MBD5: variants seen among roughly 807,000 people sequenced by gnomAD.
The protein encoded by MBD5 is methyl-CpG binding domain protein 5.
Under a neutral mutation model 117.3 loss-of-function variants are expected in MBD5, and 13 were observed. That is an observed-to-expected ratio of 0.11 (90% confidence interval 0.07 to 0.18). The LOEUF (loss-of-function observed/expected upper bound fraction) is 0.18, where lower values mean the gene tolerates loss of function less well. Ranked by LOEUF, MBD5 falls within the 10% of genes least tolerant of loss-of-function variation. MBD5 has a pLI of 1.00. For synonymous variants in MBD5, 727 were observed against 766.4 expected (o/e 0.95, Z 0.85); for missense variants, 1,879 against 2,093.8 (o/e 0.90, Z 2.00).
intron 8 of MBD5, among the ~76,000 whole-genome samples, chr2:148,473,687 T>A (rs1345899742): frequency 6.6e-6 from 1 of 152,124 alleles, no homozygotes; most frequent in Non-Finnish European, 1.5e-5. Flanking sequence ...GTGAATTCTA[T>A]GGGAGGCATT....
intron 3 of MBD5, among the ~76,000 whole-genome samples, chr2:148,293,743 A>G (rs1701559141): frequency 6.6e-6 from 1 of 152,224 alleles, no homozygotes; most frequent in Non-Finnish European, 1.5e-5. Flanking sequence ...TAAGTATGAT[A>G]TGAACTGTGG....
chr2:148,226,397 A>G (rs1409234114), intron 2 of MBD5, among the ~76,000 whole-genome samples: 1 of 152,086 alleles, frequency 6.6e-6, no homozygotes, highest in African/African-American at 2.4e-5. Flanking sequence ...TTTGCTGAGA[A>G]TGATGGTTTC....
rs1238374891 is a variant in MBD5 at position 148,421,031 on chromosome 2, A to G, written c.-556-37172A>G. Among the ~76,000 whole-genome samples, 5 of 152,290 alleles carry G rather than the reference A, an allele frequency of 3.3e-5. No homozygotes were observed. In the East Asian group the frequency reaches 7.7e-4, roughly 23 times the overall value. On this transcript the variant is annotated intron_variant, in intron 4 of 13. Coordinates refer to ENST00000642680, the MANE Select transcript of MBD5 (RefSeq NM_001378120.1). Reference sequence around the variant, plus strand: ...GGCATGAGCCACTACACCCATGAAAAGTGGTGCTCTGCTAGATTAAGTCAC... The same window carrying G: ...GGCATGAGCCACTACACCCATGAAAGGTGGTGCTCTGCTAGATTAAGTCAC...
intron 8 of MBD5, among the ~76,000 whole-genome samples, chr2:148,480,052 A>T (rs186065508): frequency 6.6e-5 from 10 of 152,052 alleles, no homozygotes; most frequent in East Asian, 3.9e-4. Context: ...GGGTTTTTTT[A>T]AAATTTTTAT....
chr2:148,157,575 C>T (rs1403554819), intron 1 of MBD5, among the ~76,000 whole-genome samples: 3 of 152,168 alleles, frequency 2.0e-5, no homozygotes, highest in African/African-American at 7.2e-5. Context: ...AAAACTACTA[C>T]AAATGCCTCA....
chr2:148,103,189 C>G (rs1696276830), intron 1 of MBD5, among the ~76,000 whole-genome samples: 2 of 152,104 alleles, frequency 1.3e-5, no homozygotes, highest in South Asian at 4.1e-4. Context: ...TGTTCCCAAG[C>G]CAAAGCCGGC....
At chr2:148,257,846 C>G (rs1032495164) in intron 3 of MBD5, among the ~76,000 whole-genome samples, 1 of 152,152 alleles carries the variant, frequency 6.6e-6, no homozygotes, top group African/African-American at 2.4e-5. Context: ...TTGTCTAAGT[C>G]CACTACGTAG....
intron 3 of MBD5, among the ~76,000 whole-genome samples, chr2:148,251,055 C>A (rs779124347): frequency 2.6e-5 from 4 of 151,754 alleles, no homozygotes; most frequent in Non-Finnish European, 4.4e-5. Context: ...ATTCAGAGTG[C>A]CTAGTATAGT....
chr2:148,208,106 G>A (rs938568222), intron 2 of MBD5, among the ~76,000 whole-genome samples: 1 of 152,142 alleles, frequency 6.6e-6, no homozygotes, highest in Admixed American at 6.5e-5. Flanking sequence ...GCTTCTGCTG[G>A]ATGCTGCTGG....
chr2:148,464,802 T>A (rs3076583), intron 7 of MBD5, among the ~76,000 whole-genome samples: 140,365 of 146,192 alleles, frequency 0.96, 67,617 homozygotes, highest in South Asian at 1. Context: ...TAAAATAATT[T>A]AAAAAAAAAA....
At position 148,201,760 on chromosome 2, in the gene MBD5, G is replaced by T. The variant is rs1438595042; in HGVS notation, c.-831+22967G>T. Among the ~76,000 whole-genome samples the T allele has an allele frequency of 2.6e-5, 4 of 152,170 alleles. No individual in the cohort carries two copies. In the East Asian group the frequency reaches 7.7e-4, roughly 29 times the overall value. ...CAAGAGTGGTCCCCCACCTGAAGTT[G>T]GGTGGTTTCTCTCTCAGTGTGGCTG... On this transcript the variant is annotated intron_variant, in intron 2 of 13. Coordinates refer to ENST00000642680, the MANE Select transcript of MBD5 (RefSeq NM_001378120.1).
At chr2:148,422,265 C>G (rs1574406985) in intron 4 of MBD5, among the ~76,000 whole-genome samples, 1 of 152,176 alleles carries the variant, frequency 6.6e-6, no homozygotes, top group Non-Finnish European at 1.5e-5. Context: ...TGTTCTGAAG[C>G]CTCTGCTGGT....
rs1448359030 is a variant in MBD5 at position 148,288,141 on chromosome 2, C to A, written c.-679-54073C>A. ...TCTGGCCGGGCGCGGTGGCTCACGCCTGTAATCCCAGCACTTTGGGAGGCC... is the reference window on the plus strand; with the variant it reads ...TCTGGCCGGGCGCGGTGGCTCACGCATGTAATCCCAGCACTTTGGGAGGCC... On this transcript the variant is annotated intron_variant, in intron 3 of 13. Transcript: ENST00000642680. 3.3e-5 allele frequency among the ~76,000 whole-genome samples: 5 copies of A among 151,346 alleles called. 1 individual carries two copies. Among genetic ancestry groups the A allele is most frequent in the African/African-American group, 1.2e-4 (5 of 41,208 alleles).
At chr2:148,049,176 A>G (rs1489293540) in intron 1 of MBD5, among the ~76,000 whole-genome samples, 1 of 152,188 alleles carries the variant, frequency 6.6e-6, no homozygotes, top group Non-Finnish European at 1.5e-5. Context: ...CAACCTGTGT[A>G]TTCACTGGTT....
At chr2:148,426,790 A>G (rs956267083) in intron 4 of MBD5, among the ~76,000 whole-genome samples, 1 of 152,244 alleles carries the variant, frequency 6.6e-6, no homozygotes, top group African/African-American at 2.4e-5. Flanking sequence ...CAAAAGCCAG[A>G]ATTGACAAAT....
intron 7 of MBD5, among the ~76,000 whole-genome samples, chr2:148,466,424 G>T (rs979376842): frequency 4.2e-4 from 64 of 152,134 alleles, no homozygotes; most frequent in African/African-American, 1.5e-3. Context: ...TCTAAATTCT[G>T]TTAGTTGAAT....
At chr2:148,127,181 A>T (rs1473669964) in intron 1 of MBD5, among the ~76,000 whole-genome samples, 1 of 151,814 alleles carries the variant, frequency 6.6e-6, no homozygotes, top group Non-Finnish European at 1.5e-5. Context: ...GTTAGCCAGG[A>T]TGGTCTCGAT....
intron 3 of MBD5, among the ~76,000 whole-genome samples, chr2:148,316,052 G>A (rs1326824880): frequency 6.6e-6 from 1 of 152,154 alleles, no homozygotes; most frequent in African/African-American, 2.4e-5. Flanking sequence ...CAGAGTAGGA[G>A]GAAGAGAGCA....
At chr2:148,200,691 T>TAA (rs1699114292) in intron 2 of MBD5, among the ~76,000 whole-genome samples, 1 of 113,448 alleles carries the variant, frequency 8.8e-6, no homozygotes, top group African/African-American at 3.7e-5. Context: ...AGACTCTATC[T>TAA]CAAAAAAAAA....
Sources: gnomAD v4.1 joint callset for allele counts (sites outside exome capture counted in the v4.1 genomes callset) on GRCh38, gnomAD v4.1.1 for gene constraint, MANE v1.5 for transcripts, NCBI Gene and HGNC (gene_info 2026-07-23, HGNC 2026-07-21) for gene names.